PARD3B: variants seen among roughly 807,000 people sequenced by gnomAD.
PARD3B encodes the protein par-3 family cell polarity regulator beta, also known as partitioning defective 3 homolog B.
In PARD3B, 103 loss-of-function variants were observed where a neutral mutation model predicts 130.2. The observed-to-expected ratio is 0.79, with a 90% CI of 0.67 to 0.93. The LOEUF is 0.93. Ranked by LOEUF, PARD3B falls within the 40% of genes least tolerant of loss-of-function variation. The pLI is 0.00. For synonymous variants in PARD3B, 583 were observed against 553.2 expected (o/e 1.05, Z -0.76); for missense variants, 1,609 against 1,499.2 (o/e 1.07, Z -1.21).
chr2:204,910,394 A>C (rs915877057), intron 2 of PARD3B, among the ~76,000 whole-genome samples: 2 of 152,214 alleles, frequency 1.3e-5, no homozygotes, highest in East Asian at 1.9e-4. Context: ...GGGAAGCAGA[A>C]AGTTGAAAGG....
Position 205,121,887 on chromosome 2 carries a change from C to T in PARD3B, c.1103C>T (p.Ser368Leu), listed in dbSNP as rs145722873. The change falls in exon 8 of 23, where the codon TCG becomes TTG. Residue 368 changes from serine (S) to leucine (L), a missense_variant. Ser to Leu is a moderately radical substitution (Grantham distance 145, BLOSUM62 -2). Coordinates refer to ENST00000406610, the MANE Select transcript of PARD3B (RefSeq NM_001302769.2). This position sits in a 1 kb window ranked among gnomAD's most constrained non-coding sequence, Gnocchi z 5.0. ...LGGKPSSPSL[S>L]PLMGFGSNKN... ...GGAAAACCATCCTCTCCCTCACTCTCGCCTCTCATGGGATTTGGCAGCAAT... is the reference window on the plus strand; with the variant it reads ...GGAAAACCATCCTCTCCCTCACTCTTGCCTCTCATGGGATTTGGCAGCAAT... The T allele has an allele frequency of 2.2e-4, 350 of 1,613,880 alleles. No individual in the cohort carries two copies. In the African/African-American group the frequency reaches 4.0e-3, roughly 18 times the overall value.
intron 18 of PARD3B, among the ~76,000 whole-genome samples, chr2:205,377,453 G>T (rs1319627404): frequency 1.3e-5 from 2 of 152,132 alleles, no homozygotes; most frequent in African/African-American, 4.8e-5. Flanking sequence ...GTTAGAAACT[G>T]GGTCAGCAGA....
chr2:205,053,981 A>G (rs552580630), intron 4 of PARD3B, among the ~76,000 whole-genome samples: 1 of 152,134 alleles, frequency 6.6e-6, no homozygotes, highest in Non-Finnish European at 1.5e-5. Flanking sequence ...TGTGCTGATA[A>G]GACCAGAGCT....
rs995965999 is a variant in PARD3B at position 205,397,716 on chromosome 2, C to T, written c.2631-3297C>T. Among the ~76,000 whole-genome samples, 1 of 152,132 alleles carries T rather than the reference C, an allele frequency of 6.6e-6. No homozygotes were observed. The highest frequency in any genetic ancestry group is 6.5e-5 in the Admixed American group (1 of 15,282). On this transcript the variant is annotated intron_variant, in intron 18 of 22. Coordinates refer to ENST00000406610, the MANE Select transcript of PARD3B (RefSeq NM_001302769.2). This position sits in a 1 kb window ranked among gnomAD's most constrained non-coding sequence, Gnocchi z 4.8. ...TGGCAAAATTTTTGCCCTCATCAAC[C>T]TCCTAAAGCATTATTTCTACCCTGA...
At chr2:204,961,051 G>A (rs542234440) in intron 2 of PARD3B, among the ~76,000 whole-genome samples, 9 of 152,308 alleles carry the variant, frequency 5.9e-5, no homozygotes, top group African/African-American at 2.2e-4. Context: ...GGAGTCCTGA[G>A]AACAAGGGGC....
intron 1 of PARD3B, among the ~76,000 whole-genome samples, chr2:204,563,310 G>A (rs763008696): frequency 6.9e-6 from 1 of 144,858 alleles, no homozygotes; most frequent in Non-Finnish European, 1.5e-5. Context: ...TACTGGATTA[G>A]GGTCCACCCT....
chr2:205,416,327 T>C (rs988333208), intron 19 of PARD3B, among the ~76,000 whole-genome samples: 4 of 152,222 alleles, frequency 2.6e-5, no homozygotes, highest in Admixed American at 2.0e-4. Flanking sequence ...TATGAGCATC[T>C]GATAACCATT....
chr2:205,136,686 GCAAA>G lies in PARD3B; in HGVS notation c.1434+10958_1434+10961del, dbSNP rs914655065. ...CAAACAGAAACAAATCAACAGAAAA[GCAAA>G]CAAACAAAAAACAGCACAACAGAAA... is the stretch of plus-strand genomic sequence containing the variant. On this transcript the variant is annotated intron_variant, in intron 10 of 22. Transcript: ENST00000406610. Among the ~76,000 whole-genome samples, 20 of 152,154 alleles carry G rather than the reference GCAAA, an allele frequency of 1.3e-4. No individual in the cohort carries two copies. In the South Asian group the frequency reaches 2.3e-3, roughly 17 times the overall value.
rs746023895 is a variant in PARD3B, at chr2:204,880,657, C to CAA, written c.223-84471_223-84470dup. ...CTGGTGACAGAGCGAGACTCCATCT[C>CAA]AAAAAAAAAAAAAAAAAAAAAAAAA... is the stretch of plus-strand genomic sequence containing the variant. On this transcript the variant is annotated intron_variant, in intron 2 of 22. Transcript: ENST00000406610. 8.7e-3 allele frequency among the ~76,000 whole-genome samples: 476 copies of CAA among 54,926 alleles called. 1 individual carries two copies. Among genetic ancestry groups the CAA allele is most frequent in the Non-Finnish European group, 0.014 (340 of 24,444 alleles). 36.0% of individuals were successfully genotyped at this position (54,926 alleles called of 152,430 possible).
intron 3 of PARD3B, among the ~76,000 whole-genome samples, chr2:205,045,082 T>C (rs1352817175): frequency 6.6e-6 from 1 of 151,058 alleles, no homozygotes; most frequent in Non-Finnish European, 1.5e-5. Flanking sequence ...TTATTCCTGA[T>C]ATGTTTAAGA....
rs201750971 is a variant in PARD3B, at chr2:204,616,669, A to G, written c.121-69512A>G. ...TGTTCACACAAAAATCTGCACATGT[A>G]TATTTATAGCAGCTTTACTCATAAT... On this transcript the variant is annotated intron_variant, in intron 1 of 22. Coordinates refer to ENST00000406610, the MANE Select transcript of PARD3B (RefSeq NM_001302769.2). Among the ~76,000 whole-genome samples, 12 of 152,236 alleles carry G rather than the reference A, an allele frequency of 7.9e-5. No homozygotes were observed. In the East Asian group the frequency reaches 2.3e-3, roughly 29 times the overall value.
intron 21 of PARD3B, among the ~76,000 whole-genome samples, chr2:205,540,952 A>G (rs1401962639): frequency 6.6e-6 from 1 of 152,232 alleles, no homozygotes; most frequent in Non-Finnish European, 1.5e-5. Context: ...GAATTCAGTA[A>G]TGAGTTCTGT....
rs563468967 is a variant in PARD3B at position 205,187,686 on chromosome 2, C to G, written c.2024+1823C>G. ...CCTTCCCTTTTCTGCAAAGCCATTC[C>G]TTTGTGAATTGGGGAGAGAAAAAAG... On this transcript the variant is annotated intron_variant, in intron 14 of 22. Transcript: ENST00000406610. The surrounding 1 kb of genome is among the most constrained non-coding windows in gnomAD (Gnocchi z 4.9). 1.3e-5 allele frequency among the ~76,000 whole-genome samples: 2 copies of G among 152,162 alleles called. No homozygotes were observed. The highest frequency in any genetic ancestry group is 2.9e-5 in the Non-Finnish European group (2 of 68,020).
At chr2:205,442,013 A>G (rs749288169) in intron 20 of PARD3B, among the ~76,000 whole-genome samples, 2 of 152,202 alleles carry the variant, frequency 1.3e-5, no homozygotes, top group African/African-American at 2.4e-5. Flanking sequence ...ATTTTATTGT[A>G]TAAATAATAA....
intron 2 of PARD3B, among the ~76,000 whole-genome samples, chr2:204,774,267 T>G (rs1395739944): frequency 2.0e-5 from 3 of 152,092 alleles, no homozygotes; most frequent in Non-Finnish European, 4.4e-5. Context: ...TTTACTGTCT[T>G]CCTTCCATGA....
At chr2:205,378,651 G>A (rs1007547031) in intron 18 of PARD3B, among the ~76,000 whole-genome samples, 1 of 74,414 alleles carries the variant, frequency 1.3e-5, no homozygotes, top group Non-Finnish European at 2.6e-5. Flanking sequence ...TTTTTTTTTT[G>A]AGACAGAGTT....
chr2:204,911,400 A>C (rs1309437015), intron 2 of PARD3B, among the ~76,000 whole-genome samples: 1 of 152,238 alleles, frequency 6.6e-6, no homozygotes, highest in African/African-American at 2.4e-5. Context: ...TGACTAACAA[A>C]TTGTATAGAA....
intron 2 of PARD3B, among the ~76,000 whole-genome samples, chr2:204,959,076 G>T (rs999995932): frequency 6.6e-6 from 1 of 151,914 alleles, no homozygotes; most frequent in African/African-American, 2.4e-5. Flanking sequence ...CATCATCTAG[G>T]CTTTTACCTC....
intron 22 of PARD3B, among the ~76,000 whole-genome samples, chr2:205,579,611 CT>C (rs1301882767): frequency 2.0e-5 from 3 of 152,140 alleles, no homozygotes; most frequent in Non-Finnish European, 4.4e-5. Context: ...CATTTTGTGG[CT>C]GAAAATTGGT....
Sources: allele counts gnomAD v4.1 joint callset (sites outside exome capture counted in the v4.1 genomes callset), GRCh38; gene constraint gnomAD v4.1.1; non-coding constraint Gnocchi (gnomAD v3.1); transcripts MANE v1.5; gene names NCBI Gene and HGNC (gene_info 2026-07-23, HGNC 2026-07-21).